Variants in ANKRD12 observed in about 807,000 individuals in gnomAD.
The protein encoded by ANKRD12 is ankyrin repeat domain-containing protein 12.
In ANKRD12, 85 loss-of-function variants were observed where a neutral mutation model predicts 183.4. That is an observed-to-expected ratio of 0.46 (90% CI 0.39 to 0.56). The LOEUF is 0.56. Among genes scored for constraint, ANKRD12 ranks in the 20% least tolerant of loss-of-function variants. The probability of loss-of-function intolerance (pLI) is 0.00; values close to 1 mark genes in which losing one functional copy is unlikely to be tolerated. For synonymous variants in ANKRD12, 914 were observed against 800.2 expected (o/e 1.14, Z -2.40); for missense variants, 2,405 against 2,357.1 (o/e 1.02, Z -0.42).
intron 1 of ANKRD12, among the ~76,000 whole-genome samples, chr18:9,179,993 T>A (rs997500838): frequency 2.6e-5 from 4 of 152,238 alleles, no homozygotes; most frequent in Non-Finnish European, 5.9e-5. Flanking sequence ...ACCAACTGAT[T>A]AACGGCGTTT....
chr18:9,212,740 C>T (rs553418810), intron 6 of ANKRD12, among the ~76,000 whole-genome samples: 1 of 151,774 alleles, frequency 6.6e-6, no homozygotes, highest in South Asian at 2.1e-4. Flanking sequence ...TATAAAAGAG[C>T]CATTTTCCTC....
At chr18:9,246,192 T>C (rs2037953809) in intron 8 of ANKRD12, among the ~76,000 whole-genome samples, 1 of 152,190 alleles carries the variant, frequency 6.6e-6, no homozygotes, top group Non-Finnish European at 1.5e-5. Flanking sequence ...TGGCATCAAA[T>C]TGTAGTTAGC....
intron 1 of ANKRD12, among the ~76,000 whole-genome samples, chr18:9,173,482 T>G (rs2032944189): frequency 6.6e-6 from 1 of 152,178 alleles, no homozygotes; most frequent in African/African-American, 2.4e-5. Flanking sequence ...CTGCTGTAGT[T>G]TGCTGGGGGA....
intron 9 of ANKRD12, chr18:9,260,342 C>A (rs984096573): frequency 7.2e-5 from 11 of 152,264 alleles, no homozygotes; most frequent in African/African-American, 2.6e-4. Flanking sequence ...GCCAGGAGTT[C>A]AAGACCAACA....
At chr18:9,263,136 G>A (rs1304113108) in intron 9 of ANKRD12, among the ~76,000 whole-genome samples, 2 of 152,092 alleles carry the variant, frequency 1.3e-5, no homozygotes, top group Non-Finnish European at 2.9e-5. Context: ...CGCATAGATT[G>A]AATCAGCTTC....
intron 1 of ANKRD12, among the ~76,000 whole-genome samples, chr18:9,161,766 A>AAAT (rs2031461987): frequency 2.6e-5 from 4 of 151,408 alleles, no homozygotes; most frequent in Admixed American, 1.3e-4. Flanking sequence ...ATATATATAA[A>AAAT]ATATATATAT....
intron 10 of ANKRD12, among the ~76,000 whole-genome samples, chr18:9,267,878 G>T (rs2039387694): frequency 6.6e-6 from 1 of 151,996 alleles, no homozygotes; most frequent in Non-Finnish European, 1.5e-5. Flanking sequence ...CCACTAGCAA[G>T]ACTAATAAAG....
In ANKRD12 at chr18:9,167,119, G is replaced by A. The variant is rs191692734; in HGVS notation, c.-51-15263G>A. On this transcript the variant is annotated intron_variant, in intron 1 of 12. Transcript: ENST00000262126. ...GTACCATGCTGTTTTGGTTACTGTAGCCTTGTAGTATAGTTTGAAGTCAGG... is the reference window on the plus strand; with the variant it reads ...GTACCATGCTGTTTTGGTTACTGTAACCTTGTAGTATAGTTTGAAGTCAGG... 4.4e-3 allele frequency among the ~76,000 whole-genome samples: 664 copies of A among 152,230 alleles called. 7 individuals carry two copies. Among genetic ancestry groups the A allele is most frequent in the Admixed American group, 6.9e-3 (105 of 15,290 alleles).
rs2038553765 is a variant in ANKRD12, at chr18:9,255,498, A to G, written c.2231A>G (p.Glu744Gly). Residue 744 changes from glutamate to glycine, a missense_variant, in exon 9 of 13, where the codon GAG (glutamate) becomes GGG (glycine). Around this residue, in one of 7 missense-constraint regions of ANKRD12, gnomAD observed 1,983 missense variants for 1,725.9 expected, o/e 1.15. Coordinates refer to ENST00000262126, the MANE Select transcript of ANKRD12 (RefSeq NM_015208.5). ...ACCAAGGAAAAGCATGTGTCAAAAG[A>G]GAGGAACTTTAAAGAGGAACGAGAC... Reference protein sequence around the residue: ...KSTKEKHVSKERNFKEERDKI... With the variant: ...KSTKEKHVSKGRNFKEERDKI... The G allele has an allele frequency of 6.4e-7, 1 of 1,572,766 alleles. No homozygotes were observed. The highest frequency in any genetic ancestry group is 8.6e-7 in the Non-Finnish European group (1 of 1,168,442).
chr18:9,143,297 G>GTTAA (rs1326053839), intron 1 of ANKRD12, among the ~76,000 whole-genome samples: 1 of 152,148 alleles, frequency 6.6e-6, no homozygotes, highest in African/African-American at 2.4e-5. Context: ...TTATAAAAAT[G>GTTAA]TTAAGTCTGT....
chr18:9,154,093 G>A (rs1442432205), intron 1 of ANKRD12, among the ~76,000 whole-genome samples: 1 of 152,070 alleles, frequency 6.6e-6, no homozygotes, highest in Admixed American at 6.6e-5. Flanking sequence ...AGTTCAAGCA[G>A]GGCGGTGATA....
At chr18:9,177,611 T>C (rs2033377014) in intron 1 of ANKRD12, among the ~76,000 whole-genome samples, 1 of 152,192 alleles carries the variant, frequency 6.6e-6, no homozygotes, top group Admixed American at 6.5e-5. Context: ...GTCTACTAGC[T>C]ATTTTGAAAT....
At chr18:9,227,745 T>C (rs1280485838) in intron 8 of ANKRD12, among the ~76,000 whole-genome samples, 4 of 152,236 alleles carry the variant, frequency 2.6e-5, no homozygotes, top group South Asian at 4.1e-4. Flanking sequence ...AAATAATGTG[T>C]AATGATCAAG....
At chr18:9,225,372 G>A (rs1359989436) in intron 8 of ANKRD12, among the ~76,000 whole-genome samples, 1 of 50,344 alleles carries the variant, frequency 2.0e-5, no homozygotes, top group African/African-American at 4.9e-5. Context: ...TACTTGGGAG[G>A]CTGAGGTGGG....
chr18:9,236,596 G>A (rs2037360499), intron 8 of ANKRD12, among the ~76,000 whole-genome samples: 1 of 152,008 alleles, frequency 6.6e-6, no homozygotes, highest in African/African-American at 2.4e-5. Context: ...AATTCAAAGA[G>A]AATCATGAAA....
intron 10 of ANKRD12, among the ~76,000 whole-genome samples, chr18:9,270,205 C>T (rs1260914004): frequency 6.6e-5 from 10 of 152,150 alleles, no homozygotes; most frequent in Non-Finnish European, 1.2e-4. Context: ...GTCAGTGTGG[C>T]GATTCCTTAG....
rs775877613 is a variant in ANKRD12, at chr18:9,262,786, C to CTTTTTTTTTTTT, written c.5665-1004_5665-1003insTTTTTTTTTTTT. Among the ~76,000 whole-genome samples, 12 of 87,932 alleles carry CTTTTTTTTTTTT rather than the reference C, an allele frequency of 1.4e-4. 6 individuals are homozygous for CTTTTTTTTTTTT. The highest frequency in any genetic ancestry group is 1.4e-4 in the Non-Finnish European group (6 of 44,262). 57.7% of individuals were successfully genotyped at this position (87,932 alleles called of 152,430 possible). A position where few individuals can be genotyped will look rare whatever the true frequency, so the allele number is the denominator to read the frequency against. ...AGCCACCATGCCCAGCCAAGATGTC[C>CTTTTTTTTTTTT]CTTTTTTTTTTTTTTTTTTTTTTTT... On this transcript the variant is annotated intron_variant, in intron 9 of 12. Coordinates refer to ENST00000262126, the MANE Select transcript of ANKRD12 (RefSeq NM_015208.5).
In ANKRD12 at chr18:9,254,853, A is replaced by T. The variant is rs1216370812; in HGVS notation, c.1586A>T (p.Asp529Val). The T allele has an allele frequency of 1.3e-6, 2 of 1,510,672 alleles. No individual in the cohort carries two copies. Among genetic ancestry groups the T allele is most frequent in the South Asian group, 1.4e-5 (1 of 71,450 alleles). 93.6% of individuals were successfully genotyped at this position (1,510,672 alleles called of 1,614,324 possible). Residue 529 changes from aspartate (D) to valine (V), a missense_variant, in exon 9 of 13, where the codon GAT (aspartate) becomes GTT (valine). This residue lies in a region of ANKRD12 where 1,983 missense variants were observed against 1,725.9 expected (regional missense o/e 1.15). Transcript: ENST00000262126. ...TTTAGGAAATCTTTTAGCCCAAAAG[A>T]TGATACTTCATTACATTTATTTCAT... ...GNFRKSFSPK[D>V]DTSLHLFHIS...
intron 1 of ANKRD12, among the ~76,000 whole-genome samples, chr18:9,161,865 A>G (rs2031474059): frequency 6.6e-6 from 1 of 150,750 alleles, no homozygotes; most frequent in Non-Finnish European, 1.5e-5. Flanking sequence ...TTATTTATTT[A>G]TTTATAACGT....
Sources: allele counts gnomAD v4.1 joint callset (sites outside exome capture counted in the v4.1 genomes callset), GRCh38; gene constraint gnomAD v4.1.1; regional missense constraint gnomAD v4.1.1; transcripts MANE v1.5; gene names NCBI Gene and HGNC (gene_info 2026-07-23, HGNC 2026-07-21).